PLGRKT: variants seen among roughly 807,000 people sequenced by gnomAD.
PLGRKT encodes plasminogen receptor with a C-terminal lysine.
Under a neutral mutation model 18.5 loss-of-function variants are expected in PLGRKT, and 22 were observed. The observed-to-expected ratio is 1.19, with a 90% confidence interval of 0.85 to 1.70. PLGRKT has a LOEUF of 1.70. Ranked by LOEUF, PLGRKT falls within the 40% of genes most tolerant of loss-of-function variation. The probability of loss-of-function intolerance (pLI) is 0.00; values close to 1 mark genes in which losing one functional copy is unlikely to be tolerated. For missense variants in PLGRKT, 235 were observed against 174.4 expected (o/e 1.35, Z -1.96); for synonymous variants, 72 against 52.8 (o/e 1.36, Z -1.58).
chr9:5,362,101 A>G (rs2236321), intron 3 of PLGRKT, among the ~76,000 whole-genome samples: 42,261 of 152,118 alleles, frequency 0.28, 6,073 homozygotes, highest in South Asian at 0.34. Context: ...ATACAGAATA[A>G]ATATCAATAT....
intron 3 of PLGRKT, 86 bp from the exon 4 acceptor site, chr9:5,361,974 ATTC>A: frequency 7.9e-7 from 1 of 1,271,840 alleles, no homozygotes; most frequent in African/African-American, 1.5e-5. Flanking sequence ...CAGCGGATTC[ATTC>A]TTCAATTGCT....
chr9:5,414,746 G>A (rs1335284502), intron 3 of PLGRKT, among the ~76,000 whole-genome samples: 1 of 152,148 alleles, frequency 6.6e-6, no homozygotes, highest in Non-Finnish European at 1.5e-5. Context: ...GTACGTACTG[G>A]CAATTCTAAA....
chr9:5,369,130 T>C (rs766364957), intron 3 of PLGRKT, among the ~76,000 whole-genome samples: 2 of 152,114 alleles, frequency 1.3e-5, no homozygotes, highest in Non-Finnish European at 2.9e-5. Context: ...ACTAAAGAGC[T>C]TCTGCACAGC....
intron 3 of PLGRKT, among the ~76,000 whole-genome samples, chr9:5,413,953 T>C (rs1818411796): frequency 6.6e-6 from 1 of 152,222 alleles, no homozygotes; most frequent in Non-Finnish European, 1.5e-5. Flanking sequence ...GTATCAATGA[T>C]ATGCTACCCT....
chr9:5,425,214 G>C (rs1288649027), intron 3 of PLGRKT, among the ~76,000 whole-genome samples: 7 of 152,114 alleles, frequency 4.6e-5, no homozygotes, highest in African/African-American at 1.7e-4. Flanking sequence ...CATAAAATTA[G>C]TTTAGGTGTG....
chr9:5,367,060 CA>C (rs61088753), intron 3 of PLGRKT, among the ~76,000 whole-genome samples: 3 of 149,856 alleles, frequency 2.0e-5, no homozygotes, highest in Non-Finnish European at 3.0e-5. Flanking sequence ...CACACACACA[CA>C]CACACACCCC....
At chr9:5,405,269 T>C (rs1030294927) in intron 3 of PLGRKT, among the ~76,000 whole-genome samples, 1 of 152,206 alleles carries the variant, frequency 6.6e-6, no homozygotes, top group Non-Finnish European at 1.5e-5. Context: ...TTAAAATTCA[T>C]ATGGAACCAA....
At chr9:5,435,321 T>TAACA (rs1554635740) in intron 2 of PLGRKT, among the ~76,000 whole-genome samples, 2 of 127,776 alleles carry the variant, frequency 1.6e-5, no homozygotes, top group African/African-American at 6.0e-5. Flanking sequence ...CAATAAATAC[T>TAACA]AAAAAAAAAA....
intron 3 of PLGRKT, among the ~76,000 whole-genome samples, chr9:5,374,837 T>C (rs138768096): frequency 5.9e-5 from 9 of 152,286 alleles, no homozygotes; most frequent in African/African-American, 1.9e-4. Context: ...AAAAATAACA[T>C]AGCATCTCAT....
Position 5,358,275 on chromosome 9 carries a change from G to A in PLGRKT, c.408C>T (p.Ala136=). The A allele has an allele frequency of 6.2e-7, 1 of 1,609,486 alleles. No homozygotes were observed. Among genetic ancestry groups the A allele is most frequent in the South Asian group, 1.1e-5 (1 of 90,962 alleles). Residue 136 remains alanine, a synonymous_variant, in exon 6 of 6, where the codon GCC becomes GCT. Coordinates refer to ENST00000223864, the MANE Select transcript of PLGRKT (RefSeq NM_018465.4). ...GMITFESIEK[A]RKEQSRFFID... Reference sequence around the variant, plus strand: ...TGAAGAATCTACTCTGTTCCTTTCTGGCTTTTTCAATGCTTTCAAAAGTGA... The same window carrying A: ...TGAAGAATCTACTCTGTTCCTTTCTAGCTTTTTCAATGCTTTCAAAAGTGA...
intron 3 of PLGRKT, among the ~76,000 whole-genome samples, chr9:5,395,896 T>G (rs1265738716): frequency 6.7e-6 from 1 of 150,172 alleles, no homozygotes; most frequent in East Asian, 1.9e-4. Context: ...CAGTTTTTTT[T>G]TTTTTTTTTT....
At chr9:5,422,558 C>G (rs1051574010) in intron 3 of PLGRKT, among the ~76,000 whole-genome samples, 1 of 152,172 alleles carries the variant, frequency 6.6e-6, no homozygotes, top group Non-Finnish European at 1.5e-5. Flanking sequence ...ACTTAGGAGT[C>G]ATAATAATCA....
intron 3 of PLGRKT, among the ~76,000 whole-genome samples, chr9:5,408,241 A>G (rs924584667): frequency 3.9e-5 from 6 of 152,220 alleles, no homozygotes; most frequent in Non-Finnish European, 7.3e-5. Context: ...GGATCTTCCT[A>G]GAGACTTGCT....
intron 3 of PLGRKT, among the ~76,000 whole-genome samples, chr9:5,391,919 T>C (rs12005506): frequency 0.035 from 5,371 of 151,946 alleles, 190 homozygotes; most frequent in African/African-American, 0.06. Context: ...GGGATGGGCA[T>C]GTTCCTCTCA....
chr9:5,435,331 A>AAAG (rs1465286976), intron 2 of PLGRKT, among the ~76,000 whole-genome samples: 16 of 150,154 alleles, frequency 1.1e-4, no homozygotes, highest in African/African-American at 4.0e-4. Flanking sequence ...TAAAAAAAAA[A>AAAG]AAAAAAAGAA....
At chr9:5,434,891 G>T (rs1210966225) in intron 2 of PLGRKT, among the ~76,000 whole-genome samples, 2 of 151,998 alleles carry the variant, frequency 1.3e-5, no homozygotes, top group Non-Finnish European at 2.9e-5. Flanking sequence ...GGGAAATGTG[G>T]GGAAAAGAAA....
At chr9:5,381,923 G>A (rs1276843276) in intron 3 of PLGRKT, 2 of 985,000 alleles carry the variant, frequency 2.0e-6, no homozygotes, top group Non-Finnish European at 2.4e-6. Flanking sequence ...GAGAGGAAGA[G>A]TCTGCTCCGA....
At chr9:5,405,211 C>T (rs1209871183) in intron 3 of PLGRKT, among the ~76,000 whole-genome samples, 1 of 152,116 alleles carries the variant, frequency 6.6e-6, no homozygotes, top group Non-Finnish European at 1.5e-5. Context: ...CAGTGCTACT[C>T]CCATTAAATT....
Position 5,358,065 on chromosome 9 carries a change from T to C in PLGRKT, c.*174A>G, listed in dbSNP as rs913910789. 1 of 483,700 alleles carries C rather than the reference T, an allele frequency of 2.1e-6. No individual in the cohort carries two copies. The highest frequency in any genetic ancestry group is 4.0e-5 in the South Asian group (1 of 25,078). 30.0% of individuals were successfully genotyped at this position (483,700 alleles called of 1,614,324 possible). On this transcript the variant is annotated 3_prime_UTR_variant, in exon 6 of 6. Coordinates refer to ENST00000223864, the MANE Select transcript of PLGRKT (RefSeq NM_018465.4). ...CTAAAAGTTATTTAGAGCACCTCCA[T>C]GATTTTGTGTTGAATGTTATAAATT...
Sources: allele counts gnomAD v4.1 joint callset (sites outside exome capture counted in the v4.1 genomes callset), GRCh38; gene constraint gnomAD v4.1.1; transcripts MANE v1.5; gene names NCBI Gene and HGNC (gene_info 2026-07-23, HGNC 2026-07-21).